DISC1: variants seen among roughly 807,000 people sequenced by gnomAD.
DISC1 encodes the protein DISC1 scaffold protein, also known as disrupted in schizophrenia 1 protein.
DISC1 carries 57 observed loss-of-function variants against 84.5 expected under a neutral mutation model. That is an observed-to-expected ratio of 0.67 (90% CI 0.55 to 0.84). The LOEUF is 0.84. Ranked by LOEUF, DISC1 falls within the 40% of genes least tolerant of loss-of-function variation. The pLI is 0.00. For missense variants in DISC1, 1,000 were observed against 1,057.8 expected (o/e 0.95, Z 0.76); for synonymous variants, 411 against 415.2 (o/e 0.99, Z 0.12).
intron 9 of DISC1, among the ~76,000 whole-genome samples, chr1:231,909,967 G>GTTTATA (rs2089048335): frequency 6.6e-6 from 1 of 152,172 alleles, no homozygotes; most frequent in African/African-American, 2.4e-5. Context: ...TTTGCATAGA[G>GTTTATA]GTGTTTATAG....
intron 11 of DISC1, among the ~76,000 whole-genome samples, chr1:232,013,315 T>C (rs1174323050): frequency 6.6e-6 from 1 of 152,134 alleles, no homozygotes; most frequent in Non-Finnish European, 1.5e-5. Context: ...TGTTGAGTCA[T>C]TGCGTGCAGT....
intron 10 of DISC1, among the ~76,000 whole-genome samples, chr1:232,001,176 TCA>T (rs1467836127): frequency 6.6e-6 from 1 of 152,132 alleles, no homozygotes; most frequent in Non-Finnish European, 1.5e-5. Flanking sequence ...ATTCCCAGGT[TCA>T]AGTGATTCCC....
Position 232,036,643 on chromosome 1 carries a change from G to A in DISC1, c.2426-49G>A, listed in dbSNP as rs376579429. Reference sequence around the variant, plus strand: ...CACGCTCTTCGATCCCTCGGAGGCCGCAGAGGGCCACGATCACCTTCGAAT... The same window carrying A: ...CACGCTCTTCGATCCCTCGGAGGCCACAGAGGGCCACGATCACCTTCGAAT... On this transcript the variant is annotated intron_variant, in intron 12 of 12. Coordinates refer to ENST00000439617, the MANE Select transcript of DISC1 (RefSeq NM_018662.3). 67 of 1,475,438 alleles carry A rather than the reference G, an allele frequency of 4.5e-5. No homozygotes were observed. The East Asian group carries it at 9.4e-4, about 21-fold the overall frequency. The allele number at this position is 1,475,438 out of a possible 1,614,324, so 91.4% of individuals were successfully genotyped here.
chr1:232,033,035 A>G (rs572015291), intron 12 of DISC1, among the ~76,000 whole-genome samples: 1 of 152,274 alleles, frequency 6.6e-6, no homozygotes, highest in East Asian at 1.9e-4. Context: ...GTTCAATATG[A>G]ATGCCAGACT....
chr1:231,719,071 G>A (rs1461619584), intron 3 of DISC1, among the ~76,000 whole-genome samples: 1 of 152,152 alleles, frequency 6.6e-6, no homozygotes, highest in Non-Finnish European at 1.5e-5. Context: ...GCTGCAGTGA[G>A]CTATGATCAC....
At chr1:231,807,286 C>A (rs2079814948) in intron 8 of DISC1, among the ~76,000 whole-genome samples, 1 of 152,242 alleles carries the variant, frequency 6.6e-6, no homozygotes, top group Non-Finnish European at 1.5e-5. Flanking sequence ...GAAGGCTCAG[C>A]CCCTGAGGCC....
chr1:231,836,408 C>A (rs2125842142), intron 9 of DISC1, among the ~76,000 whole-genome samples: 1 of 152,230 alleles, frequency 6.6e-6, no homozygotes, highest in African/African-American at 2.4e-5. Flanking sequence ...ATAGGATGAC[C>A]TTTGAAACTG....
chr1:231,862,498 G>C (rs60641255), intron 9 of DISC1, among the ~76,000 whole-genome samples: 3 of 151,998 alleles, frequency 2.0e-5, no homozygotes, highest in Non-Finnish European at 2.9e-5. Context: ...TTTTCTTCTG[G>C]TTTTCAGACA....
At chr1:232,004,208 G>A (rs1667055119) in intron 10 of DISC1, among the ~76,000 whole-genome samples, 1 of 151,616 alleles carries the variant, frequency 6.6e-6, no homozygotes, top group South Asian at 2.1e-4. Flanking sequence ...CCAAAGAAAT[G>A]GGGAAAATGG....
intron 9 of DISC1, among the ~76,000 whole-genome samples, chr1:231,923,157 T>A (rs1442944768): frequency 6.6e-6 from 1 of 151,770 alleles, no homozygotes; most frequent in Admixed American, 6.6e-5. Context: ...TGTGGTGGCA[T>A]GCGTCTGTAA....
intron 1 of DISC1, chr1:231,629,242 A>C (rs1019393454): frequency 6.6e-6 from 1 of 152,596 alleles, no homozygotes; most frequent in Admixed American, 6.5e-5. Flanking sequence ...ACAAATCTCT[A>C]AGTGGTATCT....
chr1:231,673,611 A>G (rs972117803), intron 1 of DISC1, among the ~76,000 whole-genome samples: 2 of 152,260 alleles, frequency 1.3e-5, no homozygotes, highest in African/African-American at 4.8e-5. Flanking sequence ...GCCATTCACT[A>G]GAAAAGATCT....
At position 232,009,456 on chromosome 1, in the gene DISC1, G is replaced by T. The variant is rs984855799; in HGVS notation, c.2307+407G>T. 14 of 524,214 alleles carry T rather than the reference G, an allele frequency of 2.7e-5. No homozygotes were observed. The highest frequency in any genetic ancestry group is 1.5e-4 in the African/African-American group (3 of 19,994). 32.5% of individuals were successfully genotyped at this position (524,214 alleles called of 1,614,324 possible). A position where few individuals can be genotyped will look rare whatever the true frequency, so the allele number is the denominator to read the frequency against. ...TTATGTATTGTATGTCATATATGATGTTTATATATTTAGAATCTATATATT... is the reference window on the plus strand; with the variant it reads ...TTATGTATTGTATGTCATATATGATTTTTATATATTTAGAATCTATATATT... On this transcript the variant is annotated intron_variant, in intron 11 of 12. Transcript: ENST00000439617. This position sits in a 1 kb window ranked among gnomAD's most constrained non-coding sequence, Gnocchi z 4.6.
At chr1:231,663,740 A>G (rs571355014) in intron 1 of DISC1, among the ~76,000 whole-genome samples, 1 of 152,316 alleles carries the variant, frequency 6.6e-6, no homozygotes, top group African/African-American at 2.4e-5. Context: ...TATTTGACAC[A>G]TGTAGCTATA....
At chr1:231,963,769 A>G (rs1471378455) in intron 10 of DISC1, among the ~76,000 whole-genome samples, 1 of 152,186 alleles carries the variant, frequency 6.6e-6, no homozygotes, top group Admixed American at 6.5e-5. Context: ...TCACGTCTCC[A>G]ACAACTGAGC....
intron 3 of DISC1, among the ~76,000 whole-genome samples, chr1:231,730,293 A>G (rs1318347549): frequency 6.6e-6 from 1 of 152,252 alleles, no homozygotes; most frequent in Non-Finnish European, 1.5e-5. Context: ...AGTGTTTCTA[A>G]TGTCCAAAAC....
intron 1 of DISC1, among the ~76,000 whole-genome samples, chr1:231,691,141 G>A (rs2064953082): frequency 6.6e-6 from 1 of 152,130 alleles, no homozygotes; most frequent in South Asian, 2.1e-4. Context: ...AGGCTACTCA[G>A]GGGCTGGGCG....
At chr1:231,839,189 G>A (rs567438403) in intron 9 of DISC1, among the ~76,000 whole-genome samples, 1 of 152,130 alleles carries the variant, frequency 6.6e-6, no homozygotes, top group South Asian at 2.1e-4. Flanking sequence ...AGACTCAGAG[G>A]TCGGAGGAAC....
chr1:231,874,997 A>G (rs2085768124), intron 9 of DISC1, among the ~76,000 whole-genome samples: 1 of 151,984 alleles, frequency 6.6e-6, no homozygotes, highest in Admixed American at 6.6e-5. Flanking sequence ...ATCAGAAACT[A>G]GGGTGGAGAC....
Sources: gnomAD v4.1 joint callset for allele counts (sites outside exome capture counted in the v4.1 genomes callset) on GRCh38, gnomAD v4.1.1 for gene constraint, Gnocchi (gnomAD v3.1) non-coding constraint, MANE v1.5 for transcripts, NCBI Gene and HGNC (gene_info 2026-07-23, HGNC 2026-07-21) for gene names.